Variants in PTPRZ1 observed in about 807,000 individuals in gnomAD.
PTPRZ1 encodes protein tyrosine phosphatase receptor type Z1.
A neutral mutation model predicts 214.1 loss-of-function variants in PTPRZ1; 82 were observed. The observed-to-expected ratio is 0.38, with a 90% CI of 0.32 to 0.46. The LOEUF (loss-of-function observed/expected upper bound fraction) is 0.46. PTPRZ1 is among the 20% of genes least tolerant of loss of function. The pLI is 1.00. For missense variants in PTPRZ1, 2,603 were observed against 2,748.7 expected, an observed-to-expected ratio of 0.95 and a Z score of 1.19; for synonymous variants, 945 against 987.9, an observed-to-expected ratio of 0.96 and a Z score of 0.81.
chr7:122,006,476 A>T (rs1798489437), intron 11 of PTPRZ1, among the ~76,000 whole-genome samples: 1 of 152,070 alleles, frequency 6.6e-6, no homozygotes. Flanking sequence ...GCTTCCACAT[A>T]AGAGTGAGAA....
chr7:121,944,249 T>A (rs527374831), intron 2 of PTPRZ1, among the ~76,000 whole-genome samples: 1 of 152,252 alleles, frequency 6.6e-6, no homozygotes, highest in Admixed American at 6.5e-5. Context: ...CCCTAGCAAT[T>A]TCCAAGGAAA....
At chr7:121,884,546 A>G (rs2402593) in intron 1 of PTPRZ1, among the ~76,000 whole-genome samples, 49,812 of 152,016 alleles carry the variant, frequency 0.33, 9,004 homozygotes, top group African/African-American at 0.48. Flanking sequence ...AACATAAAGG[A>G]CAGAAAGAAT....
At chr7:122,017,207 A>C (rs1798868634) in intron 12 of PTPRZ1, among the ~76,000 whole-genome samples, 2 of 152,196 alleles carry the variant, frequency 1.3e-5, no homozygotes, top group Admixed American at 1.3e-4. Flanking sequence ...ACCATGTATA[A>C]AATAAGATGT....
chr7:121,926,113 A>T (rs983034695), intron 1 of PTPRZ1, among the ~76,000 whole-genome samples: 3 of 152,026 alleles, frequency 2.0e-5, no homozygotes, highest in Non-Finnish European at 4.4e-5. Context: ...GACCAGCCTG[A>T]CCAACATAGT....
intron 2 of PTPRZ1, among the ~76,000 whole-genome samples, chr7:121,962,487 T>G (rs114901726): frequency 0.038 from 5,605 of 147,684 alleles, 116 homozygotes; most frequent in East Asian, 0.089. Context: ...AATAATGTTT[T>G]AGAATAAGAT....
At chr7:122,029,781 TTAAC>T (rs1463367592) in intron 14 of PTPRZ1, among the ~76,000 whole-genome samples, 1 of 151,580 alleles carries the variant, frequency 6.6e-6, no homozygotes, top group Non-Finnish European at 1.5e-5. Flanking sequence ...TTATATATAT[TTAAC>T]TATGATATTT....
At chr7:121,952,220 A>C (rs550472563) in intron 2 of PTPRZ1, among the ~76,000 whole-genome samples, 1 of 151,970 alleles carries the variant, frequency 6.6e-6, no homozygotes, top group East Asian at 1.9e-4. Context: ...GGCCTCCCAA[A>C]GTGCTGGGAT....
rs1372758123 is a variant in PTPRZ1, at chr7:122,051,496, G to T, written c.6153G>T (p.Lys2051Asn). 3 of 1,613,366 alleles carry T rather than the reference G, an allele frequency of 1.9e-6. No homozygotes were observed. Among genetic ancestry groups the T allele is most frequent in the South Asian group, 1.1e-5 (1 of 91,054 alleles). Reference sequence around the variant, plus strand: ...CCCTAAAGCAATGCAACAGGGAAAAGAATCGAACTTCTTCTATCATCCCTG... The same window carrying T: ...CCCTAAAGCAATGCAACAGGGAAAATAATCGAACTTCTTCTATCATCCCTG... ...SAALKQCNRE[K>N]NRTSSIIPVE... The change falls in exon 24 of 30, where the codon AAG becomes AAT. Residue 2051 changes from lysine (K) to asparagine (N), a missense_variant. Lys to Asn is a moderately conservative substitution (Grantham distance 94). Coordinates refer to ENST00000393386, the MANE Select transcript of PTPRZ1 (RefSeq NM_002851.3).
rs753777805 is a variant in PTPRZ1, at chr7:122,013,564, A to G, written c.4518A>G (p.Pro1506=). 1.9e-6 allele frequency: 3 copies of G among 1,614,230 alleles called. No individual in the cohort carries two copies. Among genetic ancestry groups the G allele is most frequent in the Admixed American group, 3.3e-5 (2 of 60,024 alleles). Residue 1506 remains proline, a synonymous_variant, in exon 12 of 30, where the codon CCA becomes CCG. Coordinates refer to ENST00000393386, the MANE Select transcript of PTPRZ1 (RefSeq NM_002851.3). Reference sequence around the variant, plus strand: ...TGGACAGAAGTCCTGGTAAATCACCATCAGCAAATGGGCTATCCCAAAAGC... The same window carrying G: ...TGGACAGAAGTCCTGGTAAATCACCGTCAGCAAATGGGCTATCCCAAAAGC... ...TGMDRSPGKS[P]SANGLSQKHN...
chr7:122,029,712 A>G (rs950253269), intron 14 of PTPRZ1, among the ~76,000 whole-genome samples: 2 of 151,536 alleles, frequency 1.3e-5, no homozygotes, highest in Non-Finnish European at 3.0e-5. Context: ...TTTTATTTAT[A>G]TTTTACATTT....
At chr7:121,924,948 A>G (rs4731042) in intron 1 of PTPRZ1, among the ~76,000 whole-genome samples, 29,597 of 152,098 alleles carry the variant, frequency 0.19, 3,055 homozygotes, top group East Asian at 0.26. Context: ...AGCCCGCTCT[A>G]TTGTTTTGCA....
intron 2 of PTPRZ1, among the ~76,000 whole-genome samples, chr7:121,931,999 T>G (rs1412148336): frequency 6.6e-6 from 1 of 152,132 alleles, no homozygotes; most frequent in South Asian, 2.1e-4. Flanking sequence ...CTTACCAAAG[T>G]TTTTTAAAGA....
At chr7:121,990,451 C>T (rs191758299) in intron 8 of PTPRZ1, among the ~76,000 whole-genome samples, 104 of 146,626 alleles carry the variant, frequency 7.1e-4, no homozygotes, top group African/African-American at 2.6e-3. Flanking sequence ...GACACTGGCT[C>T]TTCTAAGGAT....
chr7:121,921,622 A>T (rs1029108978), intron 1 of PTPRZ1, among the ~76,000 whole-genome samples: 6 of 152,126 alleles, frequency 3.9e-5, no homozygotes, highest in African/African-American at 1.2e-4. Flanking sequence ...CTTTTTAATG[A>T]TATGAATTAA....
intron 2 of PTPRZ1, among the ~76,000 whole-genome samples, chr7:121,947,065 G>A (rs1796402637): frequency 6.6e-6 from 1 of 151,996 alleles, no homozygotes; most frequent in African/African-American, 2.4e-5. Context: ...AGGACTCCAT[G>A]GTACTAATGT....
chr7:121,975,796 A>G (rs563422069), intron 4 of PTPRZ1, among the ~76,000 whole-genome samples: 1 of 152,340 alleles, frequency 6.6e-6, no homozygotes, highest in South Asian at 2.1e-4. Flanking sequence ...TTCAATATTA[A>G]TAGACCACAA....
intron 29 of PTPRZ1, 114 bp from the exon 30 acceptor site, chr7:122,060,966 C>A: frequency 3.0e-6 from 3 of 1,000,708 alleles, no homozygotes; most frequent in Non-Finnish European, 4.1e-6. Context: ...GTGCCCTTAA[C>A]ACATTGCCCT....
intron 1 of PTPRZ1, among the ~76,000 whole-genome samples, chr7:121,891,075 A>T (rs74422058): frequency 6.6e-6 from 1 of 152,056 alleles, no homozygotes; most frequent in Non-Finnish European, 1.5e-5. Context: ...ACCAAGGCAC[A>T]TTCTTTTCAA....
intron 17 of PTPRZ1, among the ~76,000 whole-genome samples, chr7:122,036,139 T>C (rs1392582181): frequency 6.6e-6 from 1 of 152,176 alleles, no homozygotes; most frequent in African/African-American, 2.4e-5. Context: ...CTCTTCTTCC[T>C]TCATCAGCCT....
Sources: allele counts gnomAD v4.1 joint callset (sites outside exome capture counted in the v4.1 genomes callset), GRCh38; gene constraint gnomAD v4.1.1; transcripts MANE v1.5; gene names NCBI Gene and HGNC (gene_info 2026-07-23, HGNC 2026-07-21).